The following LPP variants were observed in gnomAD, a reference collection of about 807,000 sequenced individuals.
LPP encodes the protein lipoma-preferred partner.
In LPP, 38 loss-of-function variants were observed where a neutral mutation model predicts 60.4. That is an observed-to-expected ratio of 0.63 (90% CI 0.49 to 0.83). The LOEUF (loss-of-function observed/expected upper bound fraction) is 0.83, where lower values mean the gene tolerates loss of function less well. Ranked by LOEUF, LPP falls within the 40% of genes least tolerant of loss-of-function variation. The pLI, the probability that LPP is intolerant of heterozygous loss-of-function variation, is 0.00. For missense variants in LPP, 902 were observed against 783.6 expected (o/e 1.15, Z -1.80); for synonymous variants, 328 against 290.8 (o/e 1.13, Z -1.30).
intron 6 of LPP, among the ~76,000 whole-genome samples, chr3:188,541,507 T>C (rs1051286858): frequency 1.3e-5 from 2 of 152,074 alleles, no homozygotes; most frequent in South Asian, 2.1e-4. Context: ...TAGAGAAGTA[T>C]CTTTCCCTGC....
At chr3:188,460,953 C>A (rs970286216) in intron 4 of LPP, among the ~76,000 whole-genome samples, 1 of 152,092 alleles carries the variant, frequency 6.6e-6, no homozygotes, top group Non-Finnish European at 1.5e-5. Context: ...AGAGAGAGAA[C>A]TAGGCTATGT....
At chr3:188,334,020 C>G (rs1760879625) in intron 2 of LPP, among the ~76,000 whole-genome samples, 1 of 152,196 alleles carries the variant, frequency 6.6e-6, no homozygotes, top group Non-Finnish European at 1.5e-5. Context: ...TGGCTATCCT[C>G]CCCCTCCTGC....
At chr3:188,478,369 C>T (rs1270488305) in intron 4 of LPP, among the ~76,000 whole-genome samples, 1 of 152,058 alleles carries the variant, frequency 6.6e-6, no homozygotes, top group Non-Finnish European at 1.5e-5. Flanking sequence ...TTTCAAATAA[C>T]AGAGCATTTC....
intron 7 of LPP, among the ~76,000 whole-genome samples, chr3:188,695,184 A>G (rs2149514536): frequency 6.6e-6 from 1 of 152,362 alleles, no homozygotes; most frequent in South Asian, 2.1e-4. Flanking sequence ...TACCTTATTT[A>G]TACTCTTGTA....
rs1768520888 is a variant in LPP at position 188,872,909 on chromosome 3, A to G, written c.1710+146A>G. Reference sequence around the variant, plus strand: ...GGACTTGGGTTTTAGATTTGACACTAGTATTCCGAGCACATGCTGTTGAAT... The same window carrying G: ...GGACTTGGGTTTTAGATTTGACACTGGTATTCCGAGCACATGCTGTTGAAT... On this transcript the variant is annotated intron_variant, in intron 11 of 11. Coordinates refer to ENST00000617246, the MANE Select transcript of LPP (RefSeq NM_001375462.1). 1.6e-5 allele frequency: 16 copies of G among 1,016,514 alleles called. No individual in the cohort carries two copies. In the South Asian group the frequency reaches 2.6e-4, roughly 17 times the overall value. The allele number at this position is 1,016,514 out of a possible 1,614,324, so 63.0% of individuals were successfully genotyped here. A position where few individuals can be genotyped will look rare whatever the true frequency, so the allele number is the denominator to read the frequency against.
intron 9 of LPP, among the ~76,000 whole-genome samples, chr3:188,795,892 C>T (rs1228501146): frequency 2.0e-5 from 3 of 152,100 alleles, no homozygotes; most frequent in Admixed American, 6.6e-5. Flanking sequence ...CATATAGATT[C>T]GATTTGCACC....
chr3:188,611,245 TAG>T (rs917536047), intron 7 of LPP, among the ~76,000 whole-genome samples: 1 of 152,182 alleles, frequency 6.6e-6, no homozygotes, highest in African/African-American at 2.4e-5. Context: ...TTCCGATAGA[TAG>T]ATTCCAAATT....
intron 1 of LPP, among the ~76,000 whole-genome samples, chr3:188,204,685 G>T (rs755548164): frequency 1.4e-4 from 21 of 152,116 alleles, no homozygotes; most frequent in Non-Finnish European, 2.2e-4. Context: ...AGAGCAGATG[G>T]GATTTCTCTG....
At chr3:188,736,843 G>A (rs1386644646) in intron 8 of LPP, among the ~76,000 whole-genome samples, 2 of 151,756 alleles carry the variant, frequency 1.3e-5, no homozygotes, top group African/African-American at 4.8e-5. Context: ...GTTCACTAAT[G>A]CAAAACTTAT....
At chr3:188,302,314 G>T (rs1750155926) in intron 2 of LPP, among the ~76,000 whole-genome samples, 1 of 152,116 alleles carries the variant, frequency 6.6e-6, no homozygotes, top group Non-Finnish European at 1.5e-5. Flanking sequence ...ACAGAGACTT[G>T]TTTGAATCTA....
chr3:188,239,924 T>G (rs1723305916), intron 2 of LPP: 1 of 204,644 alleles, frequency 4.9e-6, no homozygotes, highest in South Asian at 1.9e-4. Flanking sequence ...ATATCAAAAT[T>G]GGTAGATCAT....
At chr3:188,519,033 A>G (rs775877058) in intron 5 of LPP, among the ~76,000 whole-genome samples, 2 of 152,206 alleles carry the variant, frequency 1.3e-5, no homozygotes, top group African/African-American at 4.8e-5. Context: ...CATTAAGGCC[A>G]TAGTTAGTTC....
At chr3:188,480,746 A>T (rs1447785605) in intron 4 of LPP, among the ~76,000 whole-genome samples, 1 of 152,176 alleles carries the variant, frequency 6.6e-6, no homozygotes, top group African/African-American at 2.4e-5. Flanking sequence ...ATTTCCCTGT[A>T]GGTCACAGAA....
At chr3:188,465,752 G>T (rs540093949) in intron 4 of LPP, among the ~76,000 whole-genome samples, 1 of 152,162 alleles carries the variant, frequency 6.6e-6, no homozygotes, top group Non-Finnish European at 1.5e-5. Flanking sequence ...CCTGTGACTG[G>T]ATGTCTTGTT....
chr3:188,749,056 C>T (rs1209152391), intron 8 of LPP, among the ~76,000 whole-genome samples: 2 of 152,116 alleles, frequency 1.3e-5, no homozygotes, highest in African/African-American at 4.8e-5. Flanking sequence ...TGGCATGACT[C>T]TACTGGTTGC....
intron 6 of LPP, among the ~76,000 whole-genome samples, chr3:188,526,005 G>T (rs1820480315): frequency 6.6e-6 from 1 of 152,174 alleles, no homozygotes; most frequent in Non-Finnish European, 1.5e-5. Flanking sequence ...AGTCTTGAAA[G>T]GGTTGTGGCA....
At chr3:188,693,361 A>G (rs1224895243) in intron 7 of LPP, among the ~76,000 whole-genome samples, 1 of 152,210 alleles carries the variant, frequency 6.6e-6, no homozygotes, top group East Asian at 1.9e-4. Context: ...GGGAGGACAT[A>G]GTGCATAGTG....
intron 6 of LPP, among the ~76,000 whole-genome samples, chr3:188,590,689 A>G (rs1250516532): frequency 6.6e-6 from 1 of 152,200 alleles, no homozygotes; most frequent in African/African-American, 2.4e-5. Flanking sequence ...CTCTGATTGG[A>G]GAATACTAGA....
At chr3:188,440,949 ATGTGTGTG>A (rs10680234) in intron 4 of LPP, among the ~76,000 whole-genome samples, 3 of 146,842 alleles carry the variant, frequency 2.0e-5, no homozygotes, top group Non-Finnish European at 4.5e-5. Context: ...CTCCCTTAAT[ATGTGTGTG>A]TGTGTGTGTG....
Sources: gnomAD v4.1 joint callset for allele counts (sites outside exome capture counted in the v4.1 genomes callset) on GRCh38, gnomAD v4.1.1 for gene constraint, MANE v1.5 for transcripts, NCBI Gene and HGNC (gene_info 2026-07-23, HGNC 2026-07-21) for gene names.